Variants in SGCZ observed in about 807,000 individuals in gnomAD.
SGCZ encodes zeta-sarcoglycan.
Under a neutral mutation model 41.3 loss-of-function variants are expected in SGCZ, and 40 were observed. The observed-to-expected ratio is 0.97, with a 90% confidence interval of 0.75 to 1.26. SGCZ has a LOEUF of 1.26. Ranked by LOEUF, SGCZ falls within the 50% of genes most tolerant of loss-of-function variation. The pLI, the probability that SGCZ is intolerant of heterozygous loss-of-function variation, is 0.00. For synonymous variants in SGCZ, 206 were observed against 137.5 expected (o/e 1.50, Z -3.49); for missense variants, 552 against 369.8 (o/e 1.49, Z -4.04).
intron 1 of SGCZ, among the ~76,000 whole-genome samples, chr8:14,625,081 G>C (rs568224413): frequency 6.6e-6 from 1 of 152,046 alleles, no homozygotes; most frequent in South Asian, 2.1e-4. Flanking sequence ...TGTTTCCCCT[G>C]TTGTCATCTT....
chr8:15,006,586 A>C (rs779136683), intron 1 of SGCZ, among the ~76,000 whole-genome samples: 1 of 152,200 alleles, frequency 6.6e-6, no homozygotes, highest in Admixed American at 6.5e-5. Context: ...CTGCTGCTCA[A>C]AAGTCCCCCA....
At chr8:14,779,730 G>T (rs190776234) in intron 1 of SGCZ, among the ~76,000 whole-genome samples, 2 of 152,286 alleles carry the variant, frequency 1.3e-5, no homozygotes, top group Admixed American at 1.3e-4. Context: ...ATAGGGTTTA[G>T]TTGGTGTGGG....
At chr8:14,401,282 ATTTT>A (rs71209044) in intron 2 of SGCZ, among the ~76,000 whole-genome samples, 6 of 149,642 alleles carry the variant, frequency 4.0e-5, no homozygotes, top group African/African-American at 1.3e-4. Context: ...ATTTTTATTT[ATTTT>A]TTTTTCTTTA....
chr8:14,994,969 A>G (rs1046937006), intron 1 of SGCZ, among the ~76,000 whole-genome samples: 7 of 152,200 alleles, frequency 4.6e-5, no homozygotes, highest in African/African-American at 1.7e-4. Flanking sequence ...GCTTCCCCTA[A>G]TATTATGTGT....
chr8:14,380,746 C>T (rs898580494), intron 2 of SGCZ, among the ~76,000 whole-genome samples: 1 of 152,072 alleles, frequency 6.6e-6, no homozygotes, highest in African/African-American at 2.4e-5. Flanking sequence ...CAGCTACTCG[C>T]TACTTGGAAG....
At chr8:15,105,882 G>C (rs1301121826) in intron 1 of SGCZ, among the ~76,000 whole-genome samples, 1 of 152,008 alleles carries the variant, frequency 6.6e-6, no homozygotes, top group Admixed American at 6.6e-5. Context: ...CAAGCATATA[G>C]CAACAACAGC....
intron 2 of SGCZ, among the ~76,000 whole-genome samples, chr8:14,390,168 C>T (rs59913907): frequency 0.045 from 6,803 of 151,908 alleles, 492 homozygotes; most frequent in African/African-American, 0.15. Flanking sequence ...GCCATAAAAG[C>T]AAATCATATT....
intron 1 of SGCZ, among the ~76,000 whole-genome samples, chr8:14,785,122 A>G (rs926463662): frequency 2.6e-5 from 4 of 150,970 alleles, no homozygotes; most frequent in Non-Finnish European, 5.9e-5. Flanking sequence ...TGATTTTTCC[A>G]TATCATTTTG....
chr8:15,231,372 G>A (rs1801933027), intron 1 of SGCZ, among the ~76,000 whole-genome samples: 1 of 152,066 alleles, frequency 6.6e-6, no homozygotes, highest in Non-Finnish European at 1.5e-5. Flanking sequence ...GTACAAACAT[G>A]TTGTTTAGGA....
chr8:14,418,331 G>A (rs767194031), intron 2 of SGCZ, among the ~76,000 whole-genome samples: 1 of 151,906 alleles, frequency 6.6e-6, no homozygotes, highest in Non-Finnish European at 1.5e-5. Context: ...GGTCTAAGGA[G>A]TGGCTCCTTA....
intron 1 of SGCZ, among the ~76,000 whole-genome samples, chr8:15,119,830 G>C (rs1049814086): frequency 1.3e-5 from 2 of 151,864 alleles, no homozygotes; most frequent in Non-Finnish European, 2.9e-5. Context: ...TTTCTTTTTT[G>C]AGACAGTCTC....
intron 3 of SGCZ, among the ~76,000 whole-genome samples, chr8:14,313,444 A>C (rs1801611719): frequency 6.6e-6 from 1 of 152,018 alleles, no homozygotes. Context: ...CTCCTCCCAA[A>C]TAGCTAGGAT....
chr8:14,421,434 A>G (rs892047646), intron 2 of SGCZ, among the ~76,000 whole-genome samples: 1 of 152,168 alleles, frequency 6.6e-6, no homozygotes, highest in Non-Finnish European at 1.5e-5. Context: ...TGTATATACC[A>G]GGTCTTGGGA....
chr8:15,081,446 G>C (rs573923364), intron 1 of SGCZ, among the ~76,000 whole-genome samples: 4 of 149,382 alleles, frequency 2.7e-5, no homozygotes, highest in African/African-American at 9.8e-5. Context: ...TTTTATCAGA[G>C]ATGACTAGTG....
intron 1 of SGCZ, among the ~76,000 whole-genome samples, chr8:15,139,900 C>T (rs1240068303): frequency 6.6e-6 from 1 of 152,180 alleles, no homozygotes; most frequent in African/African-American, 2.4e-5. Flanking sequence ...CAGCCACTGT[C>T]AAAGTCACTA....
chr8:14,890,955 T>A (rs925577420), intron 1 of SGCZ, among the ~76,000 whole-genome samples: 1 of 152,228 alleles, frequency 6.6e-6, no homozygotes, highest in Non-Finnish European at 1.5e-5. Flanking sequence ...CTTCTGTTTA[T>A]AGCATGGTTT....
chr8:14,916,117 T>C (rs1799429025), intron 1 of SGCZ, among the ~76,000 whole-genome samples: 1 of 152,196 alleles, frequency 6.6e-6, no homozygotes, highest in South Asian at 2.1e-4. Flanking sequence ...AGAATTGAAA[T>C]CCTTTTGCGT....
rs1353150113 is a variant in SGCZ at position 14,418,146 on chromosome 8, G to T, written c.235-93942C>A. Reference sequence around the variant, plus strand: ...CTGGGCTTTCATTCTAGGATGGAAAGTTCTGGGAGAAATTTTACATATTAA... The same window carrying T: ...CTGGGCTTTCATTCTAGGATGGAAATTTCTGGGAGAAATTTTACATATTAA... On this transcript the variant is annotated intron_variant, in intron 2 of 7. Transcript: ENST00000382080. Among the ~76,000 whole-genome samples, 4 of 152,052 alleles carry T rather than the reference G, an allele frequency of 2.6e-5. No individual in the cohort carries two copies. In the East Asian group the frequency reaches 7.7e-4, roughly 29 times the overall value.
At chr8:14,976,451 T>A (rs1801481578) in intron 1 of SGCZ, among the ~76,000 whole-genome samples, 1 of 152,228 alleles carries the variant, frequency 6.6e-6, no homozygotes. Context: ...TCTTTAGTTA[T>A]CATTACCATT....
Sources: allele counts gnomAD v4.1 joint callset (sites outside exome capture counted in the v4.1 genomes callset), GRCh38; gene constraint gnomAD v4.1.1; transcripts MANE v1.5; gene names NCBI Gene and HGNC (gene_info 2026-07-23, HGNC 2026-07-21).